CENPV: variants seen among roughly 807,000 people sequenced by gnomAD.
CENPV encodes the protein nuclear protein p30.
CENPV carries 15 observed loss-of-function variants against 26.4 expected under a neutral mutation model. The observed-to-expected ratio is 0.57, with a 90% CI of 0.38 to 0.88. The LOEUF is 0.88. Among genes scored for constraint, CENPV ranks in the 40% least tolerant of loss-of-function variants. The probability of loss-of-function intolerance (pLI) is 0.00; values close to 1 mark genes in which losing one functional copy is unlikely to be tolerated. For synonymous variants in CENPV, 172 were observed against 165.5 expected, an observed-to-expected ratio of 1.04 and a Z score of -0.30; for missense variants, 336 against 376.5, an observed-to-expected ratio of 0.89 and a Z score of 0.89.
At position 16,353,099 on chromosome 17, in the gene CENPV, T is replaced by G. The variant is rs139916089; in HGVS notation, c.338A>C (p.Glu113Ala). Residue 113 changes from glutamate to alanine, a missense_variant, in exon 1 of 5, where the codon GAG (glutamate) becomes GCG (alanine). Glu to Ala is a moderately radical substitution (Grantham distance 107). Transcript: ENST00000299736. ...CCGCTTCTGGAACGTCTCCCAGCGC[T>G]CCCGCTGCTCGCCCAGGTCCAGGTT... is the stretch of plus-strand genomic sequence containing the variant. ...ASNLDLGEQR[E>A]RWETFQKRQK... The G allele has an allele frequency of 8.3e-6, 13 of 1,567,954 alleles. No homozygotes were observed. In the East Asian group the frequency reaches 3.4e-4, roughly 41 times the overall value.
Position 16,342,594 on chromosome 17 carries a change from G to A in CENPV, c.*223C>T. The A allele has an allele frequency of 5.7e-6, 3 of 529,278 alleles. No homozygotes were observed. The South Asian group carries it at 9.5e-5, about 17-fold the overall frequency. The allele number at this position is 529,278 out of a possible 1,614,324, so 32.8% of individuals were successfully genotyped here. A position where few individuals can be genotyped will look rare whatever the true frequency, so the allele number is the denominator to read the frequency against. On this transcript the variant is annotated 3_prime_UTR_variant, in exon 5 of 5. Transcript: ENST00000299736. ...AAAGATCACACAAAAGTTGGGAAGA[G>A]AAGGATGTCAATTAGACTACATCAA...
At chr17:16,350,092 G>A in intron 1 of CENPV, 63 bp from the exon 2 acceptor site, 1 of 1,570,694 alleles carries the variant, frequency 6.4e-7, no homozygotes, top group Non-Finnish European at 8.6e-7. Flanking sequence ...CTCTCTTTTT[G>A]TTGCTGAAAG....
In CENPV at chr17:16,344,718, G is replaced by A. The variant is rs1338681984; in HGVS notation, c.580-7C>T. The stretch of plus-strand genomic sequence containing the variant: ...TCGTTATGTGCTCAGCTCCCTAGGT[G>A]AAAACAGACAAACGGTATTCTTTTT... On this transcript the variant is annotated splice_region_variant and splice_polypyrimidine_tract_variant and intron_variant, in intron 3 of 4. Transcript: ENST00000299736. 6.7e-7 allele frequency: 1 copy of A among 1,484,114 alleles called. No individual in the cohort carries two copies. Among genetic ancestry groups the A allele is most frequent in the Non-Finnish European group, 9.2e-7 (1 of 1,086,990 alleles). The allele number at this position is 1,484,114 out of a possible 1,614,324, so 91.9% of individuals were successfully genotyped here. A position where few individuals can be genotyped will look rare whatever the true frequency, so the allele number is the denominator to read the frequency against.
intron 3 of CENPV, among the ~76,000 whole-genome samples, chr17:16,345,651 T>G (rs982209410): frequency 5.3e-5 from 8 of 152,128 alleles, no homozygotes; most frequent in African/African-American, 9.7e-5. Flanking sequence ...CAGAGACCCA[T>G]CTACACTATC....
chr17:16,349,504 G>A (rs777793179), intron 2 of CENPV: 76 of 987,378 alleles, frequency 7.7e-5, no homozygotes, highest in Non-Finnish European at 8.7e-5. Context: ...CAGAGCGAGA[G>A]TGGAGGGCCT....
chr17:16,344,780 T>C lies in CENPV; in HGVS notation c.580-69A>G, dbSNP rs2093198477. On this transcript the variant is annotated intron_variant, in intron 3 of 4. Transcript: ENST00000299736. ...TTATTTATTTAATTTATTTATTTAT[T>C]TATTTATTGAGACAGAGTCTCCCAC... The C allele has an allele frequency of 1.2e-5, 11 of 908,440 alleles. No individual in the cohort carries two copies. In the South Asian group the frequency reaches 2.0e-4, roughly 16 times the overall value. 56.3% of individuals were successfully genotyped at this position (908,440 alleles called of 1,614,324 possible).
In CENPV at chr17:16,353,458, A is replaced by G; in HGVS notation, c.-22T>C. 6 of 1,082,318 alleles carry G rather than the reference A, an allele frequency of 5.5e-6. No individual in the cohort carries two copies. The highest frequency in any genetic ancestry group is 4.5e-6 in the Non-Finnish European group (4 of 894,742). 67.0% of individuals were successfully genotyped at this position (1,082,318 alleles called of 1,614,324 possible). On this transcript the variant is annotated 5_prime_UTR_variant, in exon 1 of 5. Transcript: ENST00000299736. ...GCATGGCTCCCGCAGCCTGGCGCGC[A>G]GGCCTCGCAGCGCGGCGCGCCCCCG...
Position 16,346,207 on chromosome 17 carries a change from T to C in CENPV, c.580-1496A>G, listed in dbSNP as rs137955079. On this transcript the variant is annotated intron_variant, in intron 3 of 4. Transcript: ENST00000299736. ...CTACCAAAATTTTAAAGTGTACATA[T>C]GCTTTAGCACACAATTCCATTTCTT... 4.6e-5 allele frequency among the ~76,000 whole-genome samples: 7 copies of C among 152,342 alleles called. No individual in the cohort carries two copies. In the East Asian group the frequency reaches 1.2e-3, roughly 25 times the overall value.
At chr17:16,343,790 C>G (rs1201293182) in intron 4 of CENPV, among the ~76,000 whole-genome samples, 5 of 151,888 alleles carry the variant, frequency 3.3e-5, no homozygotes, top group Non-Finnish European at 7.4e-5. Flanking sequence ...GTCCGCTCCC[C>G]ACCACCATAA....
chr17:16,350,176 C>A, intron 1 of CENPV, 147 bp from the exon 2 acceptor site: 1 of 909,970 alleles, frequency 1.1e-6, no homozygotes, highest in Non-Finnish European at 1.6e-6. Context: ...GAGGCACTGT[C>A]AATTTCCTAA....
intron 1 of CENPV, chr17:16,350,947 T>A (rs976097970): frequency 6.6e-6 from 1 of 152,124 alleles, no homozygotes; most frequent in African/African-American, 2.4e-5. Context: ...ATTTTTTTTT[T>A]TTGAGAGGGA....
Position 16,353,282 on chromosome 17 carries a change from G to A in CENPV, c.155C>T (p.Ala52Val). The A allele has an allele frequency of 7.0e-7, 1 of 1,421,574 alleles. No individual in the cohort carries two copies. Among genetic ancestry groups the A allele is most frequent in the Non-Finnish European group, 9.2e-7 (1 of 1,087,822 alleles). 88.1% of individuals were successfully genotyped at this position (1,421,574 alleles called of 1,614,324 possible). ...CTTCTCCGACGGCGGCTTCTCCACC[G>A]CCTGGCTCTTGCTCCCGGCCTGGCT... ...SASQAGSKSQ[A>V]VEKPPSEKPR... Residue 52 changes from alanine (A) to valine (V), a missense_variant, in exon 1 of 5, where the codon GCG becomes GTG. By Grantham distance (64) the Ala-to-Val change is moderately conservative (BLOSUM62 0). Transcript: ENST00000299736.
At chr17:16,350,162 T>A in intron 1 of CENPV, 133 bp from the exon 2 acceptor site, 1 of 1,060,584 alleles carries the variant, frequency 9.4e-7, no homozygotes, top group Non-Finnish European at 1.3e-6. Context: ...TTTCTGCTTT[T>A]AAGGAGGCAC....
chr17:16,342,887 T>G lies in CENPV; in HGVS notation c.749A>C (p.Glu250Ala). ...EGTVRSMVTE[E>A]FNGSDWEKAM... ...CTTCTCCCAATCGCTGCCATTGAAT[T>G]CCTCAGTGACCATACTCCGCACAGT... Residue 250 changes from glutamate (E) to alanine (A), a missense_variant, in exon 5 of 5, where the codon GAA becomes GCA. Physicochemically the swap from Glu to Ala is moderately radical, Grantham distance 107. This residue lies in a region of CENPV where 155 missense variants were observed against 227.8 expected (regional missense o/e 0.68). Coordinates refer to ENST00000299736, the MANE Select transcript of CENPV (RefSeq NM_181716.3). 6.2e-7 allele frequency: 1 copy of G among 1,614,160 alleles called. No individual in the cohort carries two copies. Among genetic ancestry groups the G allele is most frequent in the South Asian group, 1.1e-5 (1 of 91,082 alleles).
chr17:16,344,472 T>A, intron 4 of CENPV, 125 bp downstream of exon 4: 1 of 469,352 alleles, frequency 2.1e-6, no homozygotes, highest in Non-Finnish European at 3.8e-6. Context: ...AGGAGCCCTG[T>A]TCCTCTAAGA....
intron 3 of CENPV, among the ~76,000 whole-genome samples, chr17:16,347,309 G>T (rs952608983): frequency 6.6e-6 from 1 of 152,040 alleles, no homozygotes; most frequent in African/African-American, 2.4e-5. Flanking sequence ...GTCCAGAATT[G>T]TGCTTCCTAT....
At chr17:16,351,711 G>A (rs1440600542) in intron 1 of CENPV, 1 of 152,148 alleles carries the variant, frequency 6.6e-6, no homozygotes, top group South Asian at 2.1e-4. Flanking sequence ...TGGCAATCTA[G>A]TGGGAGAAAA....
At chr17:16,343,473 C>T (rs2093191365) in intron 4 of CENPV, among the ~76,000 whole-genome samples, 1 of 152,162 alleles carries the variant, frequency 6.6e-6, no homozygotes, top group Non-Finnish European at 1.5e-5. Flanking sequence ...GCTGGGAATA[C>T]AGGCGTGCGC....
chr17:16,353,357 G>A lies in CENPV; in HGVS notation c.80C>T (p.Ser27Phe), dbSNP rs12951110. Residue 27 changes from serine (S) to phenylalanine (F), a missense_variant, in exon 1 of 5, where the codon TCC (serine) becomes TTC (phenylalanine). By Grantham distance (155) the Ser-to-Phe change is radical (BLOSUM62 -2). Around this residue, in one of 2 missense-constraint regions of CENPV, gnomAD observed 181 missense variants for 148.8 expected, o/e 1.22. Transcript: ENST00000299736. ...RSGASAAPAA[S>F]AAAALAPSAT... ...GCTGGGTGCCAAGGCAGCGGCCGCG[G>A]AGGCCGCGGGGGCCGCGGAGGCCCC... 1 of 1,272,660 alleles carries A rather than the reference G, an allele frequency of 7.9e-7. No homozygotes were observed. Among genetic ancestry groups the A allele is most frequent in the South Asian group, 2.4e-5 (1 of 42,386 alleles). 78.8% of individuals were successfully genotyped at this position (1,272,660 alleles called of 1,614,324 possible). A position where few individuals can be genotyped will look rare whatever the true frequency, so the allele number is the denominator to read the frequency against.
Sources: allele counts gnomAD v4.1 joint callset (sites outside exome capture counted in the v4.1 genomes callset), GRCh38; gene constraint gnomAD v4.1.1; regional missense constraint gnomAD v4.1.1; transcripts MANE v1.5; gene names NCBI Gene and HGNC (gene_info 2026-07-23, HGNC 2026-07-21).